Variants in BTBD10 observed in about 807,000 individuals in gnomAD.
BTBD10 encodes BTB/POZ domain-containing protein 10.
Under a neutral mutation model 53.2 loss-of-function variants are expected in BTBD10, and 21 were observed. The observed-to-expected ratio is 0.39, with a 90% CI of 0.28 to 0.57. The LOEUF is 0.57. BTBD10 is among the 20% of genes least tolerant of loss of function. The probability of loss-of-function intolerance (pLI) is 0.53; values close to 1 mark genes in which losing one functional copy is unlikely to be tolerated. For synonymous variants in BTBD10, 149 were observed against 192.7 expected, an observed-to-expected ratio of 0.77 and a Z score of 1.88; for missense variants, 360 against 594.7, an observed-to-expected ratio of 0.61 and a Z score of 4.10.
Position 13,389,064 on chromosome 11 carries a change from G to T in BTBD10, c.1195C>A (p.Pro399Thr). The change falls in exon 9 of 9, where the codon CCC becomes ACC. Residue 399 changes from proline to threonine, a missense_variant. Physicochemically the swap from Pro to Thr is conservative, Grantham distance 38 (BLOSUM62 -1). This residue lies in a region of BTBD10 where 52 missense variants were observed against 180.4 expected (regional missense o/e 0.29). Transcript: ENST00000278174. ...PEVIYNYVQR[P>T]FIRMSWEKEE... The stretch of plus-strand genomic sequence containing the variant: ...TTCTCCCAGGACATTCGAATAAAGG[G>T]TCTTTGGACATAGTTGTAGATCACT... 6.2e-7 allele frequency: 1 copy of T among 1,614,110 alleles called. No individual in the cohort carries two copies. Among genetic ancestry groups the T allele is most frequent in the Non-Finnish European group, 8.5e-7 (1 of 1,180,036 alleles).
At chr11:13,403,922 T>C (rs1359734861) in intron 7 of BTBD10, among the ~76,000 whole-genome samples, 2 of 152,156 alleles carry the variant, frequency 1.3e-5, no homozygotes, top group Non-Finnish European at 2.9e-5. Flanking sequence ...ACATGTTGAG[T>C]CTTCCAAATG....
chr11:13,460,726 G>A (rs1951077146), intron 1 of BTBD10, among the ~76,000 whole-genome samples: 1 of 152,152 alleles, frequency 6.6e-6, no homozygotes, highest in Non-Finnish European at 1.5e-5. Context: ...TCTCCATCTG[G>A]CATGGAATAA....
At chr11:13,411,340 A>G (rs568980795) in intron 6 of BTBD10, among the ~76,000 whole-genome samples, 1 of 152,238 alleles carries the variant, frequency 6.6e-6, no homozygotes, top group Non-Finnish European at 1.5e-5. Context: ...ATTTTAGTGC[A>G]AAGTGCCATT....
At chr11:13,396,693 T>G (rs926215750) in intron 8 of BTBD10, among the ~76,000 whole-genome samples, 38 of 152,232 alleles carry the variant, frequency 2.5e-4, no homozygotes, top group African/African-American at 8.9e-4. Context: ...TAGATAGCTC[T>G]TATTATTTTG....
At chr11:13,412,670 T>A (rs1043828028) in intron 6 of BTBD10, among the ~76,000 whole-genome samples, 2 of 152,178 alleles carry the variant, frequency 1.3e-5, no homozygotes, top group African/African-American at 4.8e-5. Flanking sequence ...TATAAATAAT[T>A]CCCCAAAACA....
intron 1 of BTBD10, among the ~76,000 whole-genome samples, chr11:13,445,581 C>T (rs1208383904): frequency 1.3e-5 from 2 of 152,178 alleles, no homozygotes; most frequent in Admixed American, 6.5e-5. Flanking sequence ...GTTTAAGATG[C>T]TTAGGAAAGC....
chr11:13,437,407 A>C (rs1336066082), intron 2 of BTBD10, among the ~76,000 whole-genome samples: 2 of 152,232 alleles, frequency 1.3e-5, no homozygotes, highest in African/African-American at 4.8e-5. Flanking sequence ...AAGTTCATCT[A>C]AACTTAGTAC....
At chr11:13,440,330 A>T (rs1950622432) in intron 2 of BTBD10, 15 of 1,087,684 alleles carry the variant, frequency 1.4e-5, no homozygotes, top group Non-Finnish European at 1.7e-5. Flanking sequence ...TGGATATTGT[A>T]ATTGATAGAC....
At chr11:13,402,952 A>T (rs1949744000) in intron 8 of BTBD10, among the ~76,000 whole-genome samples, 1 of 152,188 alleles carries the variant, frequency 6.6e-6, no homozygotes, top group South Asian at 2.1e-4. Flanking sequence ...CTCTATCACT[A>T]GAGAATCTTA....
chr11:13,461,238 G>T (rs931660619), intron 1 of BTBD10, among the ~76,000 whole-genome samples: 2 of 152,114 alleles, frequency 1.3e-5, no homozygotes, highest in African/African-American at 4.8e-5. Context: ...GTTTGGATTT[G>T]ATTCAGTCAC....
chr11:13,400,533 C>T (rs151134513), intron 8 of BTBD10, among the ~76,000 whole-genome samples: 2,533 of 152,324 alleles, frequency 0.017, 41 homozygotes, highest in Admixed American at 0.026. Context: ...GGCTCACGCA[C>T]GGTGCGCTGC....
intron 4 of BTBD10, among the ~76,000 whole-genome samples, chr11:13,418,991 T>TTC (rs397941504): frequency 7.0e-6 from 1 of 142,052 alleles, no homozygotes; most frequent in Non-Finnish European, 1.5e-5. Context: ...TTTTTTTTTT[T>TTC]AAAAGTATCT....
chr11:13,411,499 T>C (rs1949944091), intron 6 of BTBD10, among the ~76,000 whole-genome samples: 1 of 152,146 alleles, frequency 6.6e-6, no homozygotes, highest in South Asian at 2.1e-4. Flanking sequence ...AAATTTTTAG[T>C]AACATATATT....
At chr11:13,461,910 C>T (rs980615161) in intron 1 of BTBD10, among the ~76,000 whole-genome samples, 1 of 150,478 alleles carries the variant, frequency 6.6e-6, no homozygotes, top group African/African-American at 2.4e-5. Flanking sequence ...TTTACATCAT[C>T]AGAAATAATT....
intron 8 of BTBD10, among the ~76,000 whole-genome samples, chr11:13,398,610 A>G (rs1205826170): frequency 6.6e-6 from 1 of 152,248 alleles, no homozygotes; most frequent in South Asian, 2.1e-4. Flanking sequence ...TATTTTGTTC[A>G]TTAGTTGATG....
chr11:13,414,821 C>T lies in BTBD10; in HGVS notation c.688-1171G>A, dbSNP rs539990658. On this transcript the variant is annotated intron_variant, in intron 5 of 8. Coordinates refer to ENST00000278174, the MANE Select transcript of BTBD10 (RefSeq NM_032320.7). ...CACCACTCCACTCCAGCCTGGGCGACGGAGCGAGCCTCCATCTCAAACGAA... is the reference window on the plus strand; with the variant it reads ...CACCACTCCACTCCAGCCTGGGCGATGGAGCGAGCCTCCATCTCAAACGAA... Among the ~76,000 whole-genome samples the T allele has an allele frequency of 3.6e-3, 448 of 123,596 alleles. 1 individual carries two copies. Among genetic ancestry groups the T allele is most frequent in the Non-Finnish European group, 5.6e-3 (348 of 62,236 alleles). The allele number at this position is 123,596 out of a possible 152,430, so 81.1% of individuals were successfully genotyped here.
chr11:13,438,751 T>G (rs1166407686), intron 2 of BTBD10, among the ~76,000 whole-genome samples: 2 of 151,978 alleles, frequency 1.3e-5, no homozygotes, highest in African/African-American at 4.8e-5. Context: ...TTTTCTGGGC[T>G]TACCAAATTT....
chr11:13,398,522 A>G (rs1338371871), intron 8 of BTBD10, among the ~76,000 whole-genome samples: 3 of 152,242 alleles, frequency 2.0e-5, no homozygotes, highest in Admixed American at 6.5e-5. Flanking sequence ...TCTTTTAATT[A>G]GAGCATTTAG....
chr11:13,388,250 TAACTG>T lies in BTBD10; in HGVS notation c.*576_*580del, dbSNP rs1219421868. The T allele has an allele frequency of 1.3e-5, 2 of 153,154 alleles. No individual in the cohort carries two copies. Among genetic ancestry groups the T allele is most frequent in the South Asian group, 2.1e-4 (1 of 4,854 alleles). 9.5% of individuals were successfully genotyped at this position (153,154 alleles called of 1,614,324 possible). The stretch of plus-strand genomic sequence containing the variant: ...CTAAAGGGTGAAATGGCTCTGGAGA[TAACTG>T]AACTGGTAAGATATGGGCATTAAAT... On this transcript the variant is annotated 3_prime_UTR_variant, in exon 9 of 9. Coordinates refer to ENST00000278174, the MANE Select transcript of BTBD10 (RefSeq NM_032320.7).
Sources: gnomAD v4.1 joint callset for allele counts (sites outside exome capture counted in the v4.1 genomes callset) on GRCh38, gnomAD v4.1.1 for gene constraint, gnomAD v4.1.1 regional missense constraint, MANE v1.5 for transcripts, NCBI Gene and HGNC (gene_info 2026-07-23, HGNC 2026-07-21) for gene names.